Variants in RNF214 observed in about 807,000 individuals in gnomAD.
The protein encoded by RNF214 is ring finger protein 214.
In RNF214, 25 loss-of-function variants were observed where a neutral mutation model predicts 75.9. The ratio of observed to expected loss-of-function variants is 0.33; its 90% CI spans 0.24 to 0.46. The LOEUF (loss-of-function observed/expected upper bound fraction) is 0.46, where lower values mean the gene tolerates loss of function less well. Ranked by LOEUF, RNF214 falls within the 20% of genes least tolerant of loss-of-function variation. The probability of loss-of-function intolerance (pLI) is 1.00; values close to 1 mark genes in which losing one functional copy is unlikely to be tolerated. For synonymous variants in RNF214, 314 were observed against 308.8 expected, an observed-to-expected ratio of 1.02 and a Z score of -0.18; for missense variants, 725 against 857.5, an observed-to-expected ratio of 0.85 and a Z score of 1.93.
chr11:117,273,848 C>G (rs890845031), intron 6 of RNF214, among the ~76,000 whole-genome samples: 1 of 152,208 alleles, frequency 6.6e-6, no homozygotes, highest in African/African-American at 2.4e-5. Context: ...TGGGATCCTT[C>G]AGACCAACTG....
intron 6 of RNF214, among the ~76,000 whole-genome samples, chr11:117,271,130 G>A (rs1346307726): frequency 1.3e-5 from 2 of 151,578 alleles, no homozygotes; most frequent in African/African-American, 2.4e-5. Flanking sequence ...AAACTCCTGT[G>A]TTCAAGTGAT....
At chr11:117,259,817 A>T (rs1260173617) in intron 6 of RNF214, among the ~76,000 whole-genome samples, 1 of 152,028 alleles carries the variant, frequency 6.6e-6, no homozygotes, top group Non-Finnish European at 1.5e-5. Flanking sequence ...TGTATTTTGA[A>T]TATAAGTCCT....
chr11:117,267,149 T>C (rs2033814149), intron 6 of RNF214, among the ~76,000 whole-genome samples: 1 of 152,168 alleles, frequency 6.6e-6, no homozygotes, highest in African/African-American at 2.4e-5. Context: ...TAAGTGATTT[T>C]ATCAGATATG....
intron 4 of RNF214, among the ~76,000 whole-genome samples, chr11:117,244,228 G>T (rs948878420): frequency 1.3e-5 from 2 of 151,944 alleles, no homozygotes; most frequent in African/African-American, 4.8e-5. Flanking sequence ...TGATCCGCCC[G>T]CCTCAGCCTC....
At chr11:117,275,856 A>G (rs906244289) in intron 6 of RNF214, among the ~76,000 whole-genome samples, 7 of 152,214 alleles carry the variant, frequency 4.6e-5, no homozygotes, top group African/African-American at 1.7e-4. Flanking sequence ...CAGAAGATCA[A>G]GAAGGAAGGA....
intron 4 of RNF214, among the ~76,000 whole-genome samples, chr11:117,240,209 C>T (rs2033032472): frequency 6.6e-6 from 1 of 151,266 alleles, no homozygotes; most frequent in African/African-American, 2.4e-5. Flanking sequence ...AAAAATTAGC[C>T]AGGTGTGGTG....
At chr11:117,261,889 G>A (rs945711407) in intron 6 of RNF214, among the ~76,000 whole-genome samples, 19 of 151,758 alleles carry the variant, frequency 1.3e-4, no homozygotes, top group African/African-American at 4.4e-4. Flanking sequence ...CAAGCCGTCT[G>A]CCTGGCTCAG....
chr11:117,282,338 G>A lies in RNF214; in HGVS notation c.1713-66G>A. The A allele has an allele frequency of 4.4e-6, 7 of 1,593,860 alleles. No individual in the cohort carries two copies. In the South Asian group the frequency reaches 5.7e-5, roughly 13 times the overall value. On this transcript the variant is annotated intron_variant, in intron 11 of 14. Coordinates refer to ENST00000300650, the MANE Select transcript of RNF214 (RefSeq NM_207343.4). ...AATGCTTATGGGTTAAAACAGAGGAGGTTACATGGGTGTTCCCCGTGGGTA... is the reference window on the plus strand; with the variant it reads ...AATGCTTATGGGTTAAAACAGAGGAAGTTACATGGGTGTTCCCCGTGGGTA...
At chr11:117,235,148 C>G (rs912517241) in intron 2 of RNF214, among the ~76,000 whole-genome samples, 4 of 152,174 alleles carry the variant, frequency 2.6e-5, no homozygotes, top group African/African-American at 9.7e-5. Context: ...AGTACAGATG[C>G]AACCATCCAA....
At chr11:117,266,345 T>C (rs566209992) in intron 6 of RNF214, among the ~76,000 whole-genome samples, 8 of 152,298 alleles carry the variant, frequency 5.3e-5, no homozygotes, top group South Asian at 4.1e-4. Context: ...ACCAAACTTA[T>C]GAAATTTTCT....
At chr11:117,261,184 A>G (rs1205284512) in intron 6 of RNF214, among the ~76,000 whole-genome samples, 1 of 152,164 alleles carries the variant, frequency 6.6e-6, no homozygotes, top group East Asian at 1.9e-4. Flanking sequence ...TTTTTTGTGT[A>G]TGCCTTTTGT....
chr11:117,281,622 A>C lies in RNF214; in HGVS notation c.1259A>C (p.Gln420Pro). The C allele has an allele frequency of 6.2e-7, 1 of 1,612,470 alleles. No homozygotes were observed. The highest frequency in any genetic ancestry group is 8.5e-7 in the Non-Finnish European group (1 of 1,178,774). ...TAGGACCAATTTAATAGTCATATCC[A>C]GTTAGTGAGGAACGGAGCCAAGCTG... is the stretch of plus-strand genomic sequence containing the variant. ...NVRDQFNSHI[Q>P]LVRNGAKLSS... The change falls in exon 10 of 15, where the codon CAG (glutamine) becomes CCG (proline). Residue 420 changes from glutamine (Q) to proline (P), a missense_variant. Transcript: ENST00000300650.
chr11:117,282,978 A>G lies in RNF214; in HGVS notation c.1950+128A>G, dbSNP rs979845329. Reference sequence around the variant, plus strand: ...TTGCAGCCCTACTGGGAAAATGCAAATATTTTAGGCAAGAATCTATATTTG... The same window carrying G: ...TTGCAGCCCTACTGGGAAAATGCAAGTATTTTAGGCAAGAATCTATATTTG... On this transcript the variant is annotated intron_variant, in intron 13 of 14. Coordinates refer to ENST00000300650, the MANE Select transcript of RNF214 (RefSeq NM_207343.4). 6 of 991,130 alleles carry G rather than the reference A, an allele frequency of 6.1e-6. No homozygotes were observed. The African/African-American group carries it at 9.8e-5, about 16-fold the overall frequency. 61.4% of individuals were successfully genotyped at this position (991,130 alleles called of 1,614,324 possible).
chr11:117,244,219 G>A (rs2033152354), intron 4 of RNF214, among the ~76,000 whole-genome samples: 1 of 152,100 alleles, frequency 6.6e-6, no homozygotes, highest in Non-Finnish European at 1.5e-5. Context: ...GAATGCAAGT[G>A]ATCCGCCCGC....
chr11:117,233,517 TCTC>T (rs1249182262), intron 1 of RNF214, among the ~76,000 whole-genome samples: 1 of 152,210 alleles, frequency 6.6e-6, no homozygotes, highest in Non-Finnish European at 1.5e-5. Context: ...GATTTTCTTT[TCTC>T]CTCATAAGGT....
intron 1 of RNF214, 51 bp downstream of exon 1, chr11:117,232,777 T>G (rs1165550661): frequency 1.4e-5 from 2 of 146,498 alleles, no homozygotes; most frequent in African/African-American, 2.5e-5. Flanking sequence ...GCGCGGGAGG[T>G]GTGTGCGGGG....
intron 6 of RNF214, among the ~76,000 whole-genome samples, chr11:117,276,460 T>A (rs76894800): frequency 0.011 from 1,625 of 152,088 alleles, 22 homozygotes; most frequent in African/African-American, 0.035. Context: ...AATTAAAAAA[T>A]TTGCTGGGCA....
At chr11:117,259,098 A>G (rs780675583) in intron 6 of RNF214, among the ~76,000 whole-genome samples, 3 of 152,142 alleles carry the variant, frequency 2.0e-5, no homozygotes, top group Non-Finnish European at 4.4e-5. Flanking sequence ...CTGGGATTAC[A>G]GATGTGCACG....
chr11:117,270,551 G>GC (rs1280647945), intron 6 of RNF214, among the ~76,000 whole-genome samples: 33 of 150,704 alleles, frequency 2.2e-4, no homozygotes, highest in African/African-American at 8.0e-4. Context: ...GTCTGCCTTA[G>GC]CCCCCCACTC....
Sources: allele counts gnomAD v4.1 joint callset (sites outside exome capture counted in the v4.1 genomes callset), GRCh38; gene constraint gnomAD v4.1.1; transcripts MANE v1.5; gene names NCBI Gene and HGNC (gene_info 2026-07-23, HGNC 2026-07-21).